SOD1: variants seen among roughly 807,000 people sequenced by gnomAD.
SOD1 encodes superoxide dismutase 1, also known as superoxide dismutase [Cu-Zn].
A neutral mutation model predicts 15.9 loss-of-function variants in SOD1; 8 were observed. That is an observed-to-expected ratio of 0.50 (90% CI 0.30 to 0.91). The LOEUF (loss-of-function observed/expected upper bound fraction) is 0.91. Ranked by LOEUF, SOD1 falls within the 40% of genes least tolerant of loss-of-function variation. SOD1 has a pLI of 0.07. For synonymous variants in SOD1, 86 were observed against 71.2 expected (o/e 1.21, Z -1.04); for missense variants, 137 against 194.5 (o/e 0.70, Z 1.76).
intron 1 of SOD1, among the ~76,000 whole-genome samples, chr21:31,662,182 G>C (rs2049553891): frequency 6.6e-6 from 1 of 152,220 alleles, no homozygotes; most frequent in Admixed American, 6.5e-5. Flanking sequence ...AGGTTTCAAA[G>C]AACCTGCTGT....
chr21:31,663,111 C>T (rs1050657614), intron 1 of SOD1, among the ~76,000 whole-genome samples: 26 of 147,032 alleles, frequency 1.8e-4, no homozygotes, highest in East Asian at 1.2e-3. Flanking sequence ...TGGACATTTC[C>T]AGGGCGACTT....
chr21:31,663,033 CTT>C (rs1227871449), intron 1 of SOD1, among the ~76,000 whole-genome samples: 1 of 145,102 alleles, frequency 6.9e-6, no homozygotes, highest in Non-Finnish European at 1.5e-5. Flanking sequence ...AAGAAAAAAA[CTT>C]ATGATGGACA....
chr21:31,663,852 A>G lies in SOD1; in HGVS notation c.135A>G (p.Gly45=). Residue 45 remains glycine (G), a synonymous_variant, in exon 2 of 5, where the codon GGA becomes GGG. Coordinates refer to ENST00000270142, the MANE Select transcript of SOD1 (RefSeq NM_000454.5). Reference sequence around the variant, plus strand: ...AAGGACTGACTGAAGGCCTGCATGGATTCCATGTTCATGAGTTTGGAGATA... The same window carrying G: ...AAGGACTGACTGAAGGCCTGCATGGGTTCCATGTTCATGAGTTTGGAGATA... ...SIKGLTEGLH[G]FHVHEFGDNT... 1 of 1,613,710 alleles carries G rather than the reference A, an allele frequency of 6.2e-7. No individual in the cohort carries two copies. Among genetic ancestry groups the G allele is most frequent in the Non-Finnish European group, 8.5e-7 (1 of 1,179,644 alleles).
In SOD1 at chr21:31,668,667, TAATCTTA is replaced by T; in HGVS notation, c.*92_*98del. 2.0e-6 allele frequency: 2 copies of T among 1,008,780 alleles called. No individual in the cohort carries two copies. Among genetic ancestry groups the T allele is most frequent in the Non-Finnish European group, 1.6e-6 (1 of 636,958 alleles). The allele number at this position is 1,008,780 out of a possible 1,614,324, so 62.5% of individuals were successfully genotyped here. A position where few individuals can be genotyped will look rare whatever the true frequency, so the allele number is the denominator to read the frequency against. ...GTATCCTGATAAACATTAAACACTG[TAATCTTA>T]AAAGTGTAATTGTGTGACTTTTTCA... is the stretch of plus-strand genomic sequence containing the variant. On this transcript the variant is annotated 3_prime_UTR_variant, in exon 5 of 5. Coordinates refer to ENST00000270142, the MANE Select transcript of SOD1 (RefSeq NM_000454.5).
At chr21:31,662,839 C>G (rs373507877) in intron 1 of SOD1, among the ~76,000 whole-genome samples, 1 of 151,954 alleles carries the variant, frequency 6.6e-6, no homozygotes, top group South Asian at 2.1e-4. Context: ...ACGGTGAAAC[C>G]CCGTCTCTAC....
At chr21:31,668,327 A>G in intron 4 of SOD1, 144 bp from the exon 5 acceptor site, 2 of 648,236 alleles carry the variant, frequency 3.1e-6, no homozygotes, top group Non-Finnish European at 5.5e-6. Flanking sequence ...CTACTTTTAA[A>G]CTACTAAATA....
At chr21:31,659,959 G>C (rs1486991070) in intron 1 of SOD1, 118 bp downstream of exon 1, 1 of 1,001,426 alleles carries the variant, frequency 1.0e-6, no homozygotes, top group Non-Finnish European at 1.5e-6. Flanking sequence ...TCCAGCGCCC[G>C]GTCCCGGCCC....
At chr21:31,665,970 GT>G (rs397866461) in intron 2 of SOD1, among the ~76,000 whole-genome samples, 21,298 of 128,146 alleles carry the variant, frequency 0.17, 2,401 homozygotes, top group East Asian at 0.45. Flanking sequence ...ACTTGGTGGG[GT>G]TTTTTTTTTT....
intron 4 of SOD1, 81 bp downstream of exon 4, chr21:31,667,456 G>A (rs2049605896): frequency 9.6e-7 from 1 of 1,041,944 alleles, no homozygotes; most frequent in Non-Finnish European, 1.5e-6. Flanking sequence ...GTTAGTCGCG[G>A]TTTCTAAAGA....
intron 3 of SOD1, 25 bp from the exon 4 acceptor site, chr21:31,667,233 C>T: frequency 6.6e-7 from 1 of 1,518,428 alleles, no homozygotes; most frequent in South Asian, 1.1e-5. Flanking sequence ...CAGCCCTAAT[C>T]CATCTGATGC....
intron 4 of SOD1, 46 bp downstream of exon 4, chr21:31,667,421 A>G: frequency 7.9e-7 from 1 of 1,258,434 alleles, no homozygotes. Flanking sequence ...TCTAACATAC[A>G]GTCATGTATC....
chr21:31,663,539 A>G (rs2049567107), intron 1 of SOD1, among the ~76,000 whole-genome samples: 3 of 152,194 alleles, frequency 2.0e-5, no homozygotes, highest in Admixed American at 1.3e-4. Flanking sequence ...TTTAATCATG[A>G]AGCCTGGCCA....
chr21:31,667,175 A>G (rs2049600956), intron 3 of SOD1, 83 bp from the exon 4 acceptor site: 1 of 1,063,728 alleles, frequency 9.4e-7, no homozygotes, highest in Non-Finnish European at 1.4e-6. Context: ...GTGTCTACTC[A>G]GTCAAGTTTT....
At chr21:31,667,677 G>A (rs2049608224) in intron 4 of SOD1, among the ~76,000 whole-genome samples, 1 of 152,178 alleles carries the variant, frequency 6.6e-6, no homozygotes, top group Non-Finnish European at 1.5e-5. Flanking sequence ...TGCCAGGATT[G>A]GGTTTCTCAC....
At position 31,668,176 on chromosome 21, in the gene SOD1, A is replaced by G. The variant is rs2049614206; in HGVS notation, c.358-295A>G. On this transcript the variant is annotated intron_variant, in intron 4 of 4. Transcript: ENST00000270142. ...TGCGGAACTAAGGTTACTGTAACTTACCATGGAGGATTAAGGGTAGCGTGT... is the reference window on the plus strand; with the variant it reads ...TGCGGAACTAAGGTTACTGTAACTTGCCATGGAGGATTAAGGGTAGCGTGT... Among the ~76,000 whole-genome samples the G allele has an allele frequency of 6.6e-6, 1 of 152,186 alleles. No homozygotes were observed. The highest frequency in any genetic ancestry group is 2.4e-5 in the African/African-American group (1 of 41,450).
chr21:31,666,712 G>A, intron 3 of SOD1, 194 bp downstream of exon 3: 1 of 632,268 alleles, frequency 1.6e-6, no homozygotes, highest in Admixed American at 2.5e-5. Flanking sequence ...TTGACAAATG[G>A]GGACACTTAA....
At chr21:31,666,268 C>T (rs182669044) in intron 2 of SOD1, among the ~76,000 whole-genome samples, 181 bp from the exon 3 acceptor site, 2 of 152,214 alleles carry the variant, frequency 1.3e-5, no homozygotes, top group South Asian at 2.1e-4. Flanking sequence ...GCCACCATGC[C>T]TGGCCATAGA....
Position 31,659,760 on chromosome 21 carries a change from C to A in SOD1, c.-10C>A, listed in dbSNP as rs553644744. 6.2e-7 allele frequency: 1 copy of A among 1,613,870 alleles called. No homozygotes were observed. Among genetic ancestry groups the A allele is most frequent in the East Asian group, 2.2e-5 (1 of 44,874 alleles). ...CTCGGAACCAGGACCTCGGCGTGGC[C>A]TAGCGAGTTATGGCGACGAAGGCCG... On this transcript the variant is annotated 5_prime_UTR_variant, in exon 1 of 5. Transcript: ENST00000270142.
chr21:31,665,678 C>T (rs1446853886), intron 2 of SOD1, among the ~76,000 whole-genome samples: 1 of 152,170 alleles, frequency 6.6e-6, no homozygotes, highest in Non-Finnish European at 1.5e-5. Flanking sequence ...AATGCCGCCC[C>T]CTCGAGTTGT....
Sources: gnomAD v4.1 joint callset for allele counts (sites outside exome capture counted in the v4.1 genomes callset) on GRCh38, gnomAD v4.1.1 for gene constraint, MANE v1.5 for transcripts, NCBI Gene and HGNC (gene_info 2026-07-23, HGNC 2026-07-21) for gene names.